The following PRKCZ variants were observed in gnomAD, a reference collection of about 807,000 sequenced individuals.
PRKCZ encodes the protein protein kinase C zeta type.
In PRKCZ, 33 loss-of-function variants were observed where a neutral mutation model predicts 79.5. The ratio of observed to expected loss-of-function variants is 0.41; its 90% CI spans 0.31 to 0.55. The LOEUF is 0.55. Ranked by LOEUF, PRKCZ falls within the 20% of genes least tolerant of loss-of-function variation. The pLI, the probability that PRKCZ is intolerant of heterozygous loss-of-function variation, is 0.19. For synonymous variants in PRKCZ, 342 were observed against 320.9 expected, an observed-to-expected ratio of 1.07 and a Z score of -0.70; for missense variants, 578 against 813.5, an observed-to-expected ratio of 0.71 and a Z score of 3.52.
rs77713902 is a variant in PRKCZ at position 2,147,369 on chromosome 1, T to C, written c.634+1261T>C. 3.2e-3 allele frequency among the ~76,000 whole-genome samples: 491 copies of C among 151,410 alleles called. 19 individuals are homozygous for C. The East Asian group carries it at 0.09, about 28-fold the overall frequency. ...CTCCATCTATCCATCTATTGTCCACTGACCTCTCTATCTATCCATCTATTG... is the reference window on the plus strand; with the variant it reads ...CTCCATCTATCCATCTATTGTCCACCGACCTCTCTATCTATCCATCTATTG... On this transcript the variant is annotated intron_variant, in intron 7 of 17. Transcript: ENST00000378567.
chr1:2,073,516 C>A, intron 4 of PRKCZ: 1 of 644,808 alleles, frequency 1.6e-6, no homozygotes, highest in Non-Finnish European at 1.9e-6. Context: ...TCTGATGTCG[C>A]ATTTTCAAGG....
At chr1:2,163,953 C>T (rs1033360187) in intron 10 of PRKCZ, among the ~76,000 whole-genome samples, 2 of 151,966 alleles carry the variant, frequency 1.3e-5, no homozygotes, top group African/African-American at 4.8e-5. Context: ...GCCTCCTTGC[C>T]ATTTGTGGAG....
rs532988120 is a variant in PRKCZ at position 2,127,999 on chromosome 1, A to G, written c.335-7263A>G. Among the ~76,000 whole-genome samples, 2 of 152,268 alleles carry G rather than the reference A, an allele frequency of 1.3e-5. No individual in the cohort carries two copies. The highest frequency in any genetic ancestry group is 1.3e-4 in the Admixed American group (2 of 15,300). On this transcript the variant is annotated intron_variant, in intron 4 of 17. Coordinates refer to ENST00000378567, the MANE Select transcript of PRKCZ (RefSeq NM_002744.6). This position sits in a 1 kb window ranked among gnomAD's most constrained non-coding sequence, Gnocchi z 5.1. ...TGGGTGCTGGGGAAGCCTGGAGAGG[A>G]AGCCAGGTGGCCCCAGGCTCCTGGA...
chr1:2,104,196 CT>C (rs894924828), intron 4 of PRKCZ, among the ~76,000 whole-genome samples: 1 of 152,122 alleles, frequency 6.6e-6, no homozygotes, highest in African/African-American at 2.4e-5. Context: ...AGGGTTTGAA[CT>C]TTCCCCAGGG....
intron 4 of PRKCZ, among the ~76,000 whole-genome samples, chr1:2,121,940 G>A (rs62642592): frequency 1.6e-4 from 1 of 6,192 alleles, no homozygotes; most frequent in Non-Finnish European, 2.4e-4. Flanking sequence ...TCATGGTGGT[G>A]GTTAGGGTCA....
intron 4 of PRKCZ, among the ~76,000 whole-genome samples, chr1:2,086,215 C>T (rs1315039861): frequency 1.3e-5 from 2 of 152,104 alleles, no homozygotes; most frequent in African/African-American, 4.8e-5. Context: ...GCTCCTGCCA[C>T]CACGCCCAGC....
intron 4 of PRKCZ, among the ~76,000 whole-genome samples, chr1:2,078,020 G>A (rs912516526): frequency 6.6e-6 from 1 of 152,234 alleles, no homozygotes; most frequent in Non-Finnish European, 1.5e-5. Flanking sequence ...TTTCCTAGAT[G>A]TCTTGTCTCA....
chr1:2,153,932 G>T (rs1486290406), intron 9 of PRKCZ, among the ~76,000 whole-genome samples: 1 of 152,204 alleles, frequency 6.6e-6, no homozygotes, highest in Non-Finnish European at 1.5e-5. Flanking sequence ...CTTGCCTCTT[G>T]TTCCCCCAGG....
At position 2,165,791 on chromosome 1, in the gene PRKCZ, C is replaced by G. The variant is rs548275178; in HGVS notation, c.975-3727C>G. The stretch of plus-strand genomic sequence containing the variant: ...CCTCCAGGAGAGGGCTGTGGTTCCT[C>G]CCTCTGAGCCGGGCACCTTGCATTC... On this transcript the variant is annotated intron_variant, in intron 10 of 17. Transcript: ENST00000378567. The surrounding 1 kb of genome is among the most constrained non-coding windows in gnomAD (Gnocchi z 4.1). 6.6e-6 allele frequency among the ~76,000 whole-genome samples: 1 copy of G among 152,308 alleles called. No individual in the cohort carries two copies. The highest frequency in any genetic ancestry group is 2.4e-5 in the African/African-American group (1 of 41,584).
chr1:2,104,273 G>A (rs1054456156), intron 4 of PRKCZ, among the ~76,000 whole-genome samples: 5 of 152,110 alleles, frequency 3.3e-5, no homozygotes, highest in African/African-American at 9.7e-5. Context: ...TCCAGCAGTC[G>A]AACATCAAAA....
chr1:2,169,399 T>C (rs1402850779), intron 10 of PRKCZ, 119 bp from the exon 11 acceptor site: 1 of 862,710 alleles, frequency 1.2e-6, no homozygotes, highest in African/African-American at 1.7e-5. Context: ...CTTTGCTCTT[T>C]GCAAGACTGA....
At position 2,088,120 on chromosome 1, in the gene PRKCZ, A is replaced by G. The variant is rs113540412; in HGVS notation, c.334+28529A>G. Among the ~76,000 whole-genome samples, 489 of 152,240 alleles carry G rather than the reference A, an allele frequency of 3.2e-3. 4 individuals are homozygous for G. Among genetic ancestry groups the G allele is most frequent in the African/African-American group, 0.012 (479 of 41,544 alleles). On this transcript the variant is annotated intron_variant, in intron 4 of 17. Coordinates refer to ENST00000378567, the MANE Select transcript of PRKCZ (RefSeq NM_002744.6). ...GCCTGAGTTGGGGTTTTGGTTTTAC[A>G]GTTTCCCACTCGTGTAACTTTAAGG...
chr1:2,173,770 T>C lies in PRKCZ; in HGVS notation c.1286-127T>C. On this transcript the variant is annotated intron_variant, in intron 13 of 17. Coordinates refer to ENST00000378567, the MANE Select transcript of PRKCZ (RefSeq NM_002744.6). The surrounding 1 kb of genome is among the most constrained non-coding windows in gnomAD (Gnocchi z 5.7). ...TTGGGAAGTGGAAGTCACAGAGGCC[T>C]GTGTGCCGCCTGCTCAAGCCTGGCT... 7.3e-7 allele frequency: 1 copy of C among 1,366,574 alleles called. No homozygotes were observed. The highest frequency in any genetic ancestry group is 9.8e-7 in the Non-Finnish European group (1 of 1,025,158). 84.7% of individuals were successfully genotyped at this position (1,366,574 alleles called of 1,614,324 possible).
chr1:2,106,738 T>C (rs79018595), intron 4 of PRKCZ, among the ~76,000 whole-genome samples: 24 of 97,092 alleles, frequency 2.5e-4, no homozygotes, highest in East Asian at 1.6e-3. Flanking sequence ...CCAGGCCAGG[T>C]AACTCTCAGC....
intron 5 of PRKCZ, chr1:2,142,672 C>G (rs999529379): frequency 6.0e-6 from 1 of 166,172 alleles, no homozygotes; most frequent in Non-Finnish European, 1.3e-5. Flanking sequence ...GATGTGGAGT[C>G]GGCTCCTTTT....
chr1:2,148,729 C>G (rs565632277), intron 7 of PRKCZ, 143 bp from the exon 8 acceptor site: 4 of 783,852 alleles, frequency 5.1e-6, no homozygotes, highest in East Asian at 2.8e-5. Context: ...TCAGAAGACT[C>G]TAAATTAGAA....
chr1:2,149,718 G>A lies in PRKCZ; in HGVS notation c.687+794G>A, dbSNP rs139348804. On this transcript the variant is annotated intron_variant, in intron 8 of 17. Transcript: ENST00000378567. This position sits in a 1 kb window ranked among gnomAD's most constrained non-coding sequence, Gnocchi z 4.1. ...AAAAATAAATACAAAATAATTAGCT[G>A]GGCATGGTGGCACGGGCCTGTGGTC... Among the ~76,000 whole-genome samples, 515 of 152,290 alleles carry A rather than the reference G, an allele frequency of 3.4e-3. 3 individuals are homozygous for A. Among genetic ancestry groups the A allele is most frequent in the African/African-American group, 0.012 (487 of 41,556 alleles).
At chr1:2,107,147 C>G (rs7555276) in intron 4 of PRKCZ, among the ~76,000 whole-genome samples, 1 of 152,240 alleles carries the variant, frequency 6.6e-6, no homozygotes, top group African/African-American at 2.4e-5. Flanking sequence ...CGTCTGTGAC[C>G]GGGGTGCGGA....
intron 4 of PRKCZ, among the ~76,000 whole-genome samples, chr1:2,080,682 A>T (rs964700916): frequency 2.0e-5 from 3 of 152,024 alleles, no homozygotes; most frequent in African/African-American, 4.8e-5. Context: ...CAGTCTCGGC[A>T]CCTTTCCAGC....
Sources: gnomAD v4.1 joint callset for allele counts (sites outside exome capture counted in the v4.1 genomes callset) on GRCh38, gnomAD v4.1.1 for gene constraint, Gnocchi (gnomAD v3.1) non-coding constraint, MANE v1.5 for transcripts, NCBI Gene and HGNC (gene_info 2026-07-23, HGNC 2026-07-21) for gene names.